Variants in INTS9 observed in about 807,000 individuals in gnomAD.
The protein encoded by INTS9 is protein related to CPSF subunits of 74 kDa.
INTS9 carries 55 observed loss-of-function variants against 79.7 expected under a neutral mutation model. The observed-to-expected ratio is 0.69, with a 90% confidence interval of 0.56 to 0.86. The LOEUF (loss-of-function observed/expected upper bound fraction) is 0.86. INTS9 is among the 40% of genes least tolerant of loss of function. The probability of loss-of-function intolerance (pLI) is 0.00; values close to 1 mark genes in which losing one functional copy is unlikely to be tolerated. For missense variants in INTS9, 721 were observed against 831.5 expected, an observed-to-expected ratio of 0.87 and a Z score of 1.64; for synonymous variants, 319 against 325.2, an observed-to-expected ratio of 0.98 and a Z score of 0.20.
chr8:28,887,857 T>C (rs1191477713), intron 1 of INTS9, among the ~76,000 whole-genome samples: 1 of 152,212 alleles, frequency 6.6e-6, no homozygotes, highest in African/African-American at 2.4e-5. Context: ...AAAATAATTT[T>C]CCACTTTTTT....
At chr8:28,810,837 C>T (rs1413071409) in intron 8 of INTS9, among the ~76,000 whole-genome samples, 2 of 152,132 alleles carry the variant, frequency 1.3e-5, no homozygotes, top group Admixed American at 6.6e-5. Flanking sequence ...GGCTTCTTGC[C>T]AAATATGACT....
At position 28,777,838 on chromosome 8, in the gene INTS9, T is replaced by G; in HGVS notation, c.1386A>C (p.Lys462Asn). ...CAGTGTCCTTCATTACCTGCACTTC[T>G]TTAAGCAGCTTTGACACCTGGATGA... ...LNFIQVSKLLKEVQPLHVVCP... is the reference protein window; with the variant it reads ...LNFIQVSKLLNEVQPLHVVCP... The change falls in exon 13 of 17, where the codon AAA becomes AAC. Residue 462 changes from lysine to asparagine, a missense_variant. By Grantham distance (94) the Lys-to-Asn change is moderately conservative. Around this residue, in one of 3 missense-constraint regions of INTS9, gnomAD observed 281 missense variants for 300.8 expected, o/e 0.93. Coordinates refer to ENST00000521022, the MANE Select transcript of INTS9 (RefSeq NM_018250.4). The G allele has an allele frequency of 6.2e-7, 1 of 1,607,496 alleles. No homozygotes were observed. The highest frequency in any genetic ancestry group is 8.5e-7 in the Non-Finnish European group (1 of 1,177,210).
chr8:28,852,831 G>T (rs1807921930), intron 2 of INTS9, among the ~76,000 whole-genome samples: 1 of 152,204 alleles, frequency 6.6e-6, no homozygotes, highest in African/African-American at 2.4e-5. Flanking sequence ...GTTACTTTGG[G>T]TTAGAGCCAC....
rs1006535727 is a variant in INTS9, at chr8:28,840,897, T to A, written c.262-3121A>T. Among the ~76,000 whole-genome samples the A allele has an allele frequency of 4.7e-5, 7 of 150,006 alleles. 1 individual carries two copies. The highest frequency in any genetic ancestry group is 4.7e-4 in the Admixed American group (7 of 15,038). ...CATGGCACATGTATACATATGTAACTAACCTGCACATTGTGCACATGTACC... is the reference window on the plus strand; with the variant it reads ...CATGGCACATGTATACATATGTAACAAACCTGCACATTGTGCACATGTACC... On this transcript the variant is annotated intron_variant, in intron 4 of 16. Coordinates refer to ENST00000521022, the MANE Select transcript of INTS9 (RefSeq NM_018250.4).
At chr8:28,852,096 G>C (rs192645087) in intron 2 of INTS9, among the ~76,000 whole-genome samples, 2 of 143,724 alleles carry the variant, frequency 1.4e-5, no homozygotes, top group East Asian at 3.9e-4. Context: ...GTACACGCTT[G>C]CAGTCTCAGC....
At chr8:28,796,484 A>T in intron 9 of INTS9, 60 bp downstream of exon 9, 1 of 935,310 alleles carries the variant, frequency 1.1e-6, no homozygotes, top group Non-Finnish European at 1.7e-6. Context: ...TATTATATTT[A>T]TTATTGTAAA....
At chr8:28,831,409 T>C (rs1240416877) in intron 6 of INTS9, among the ~76,000 whole-genome samples, 1 of 152,214 alleles carries the variant, frequency 6.6e-6, no homozygotes, top group Non-Finnish European at 1.5e-5. Flanking sequence ...CCATGGCACA[T>C]GTTTACCTAT....
At chr8:28,850,506 TA>T (rs1330864677) in intron 2 of INTS9, among the ~76,000 whole-genome samples, 1 of 152,054 alleles carries the variant, frequency 6.6e-6, no homozygotes, top group Non-Finnish European at 1.5e-5. Flanking sequence ...TTGGAAAAAC[TA>T]AAAGAATCCT....
Position 28,787,763 on chromosome 8 carries a change from GTCTGCATCTGCA to G in INTS9, c.1098+54_1098+65del. On this transcript the variant is annotated intron_variant, in intron 11 of 16. Coordinates refer to ENST00000521022, the MANE Select transcript of INTS9 (RefSeq NM_018250.4). ...AATCTATTTCATCTAACGACCTGCT[GTCTGCATCTGCA>G]TCAGGTTATCCACATTGCTTCCTTC... The G allele has an allele frequency of 2.0e-5, 23 of 1,147,752 alleles. 1 individual carries two copies. The South Asian group carries it at 2.8e-4, about 14-fold the overall frequency. 71.1% of individuals were successfully genotyped at this position (1,147,752 alleles called of 1,614,324 possible).
chr8:28,881,767 G>A (rs1216255209), intron 1 of INTS9, among the ~76,000 whole-genome samples: 454 of 148,472 alleles, frequency 3.1e-3, no homozygotes, highest in Non-Finnish European at 4.5e-3. Flanking sequence ...CCTCTGCCCG[G>A]CCGCCCCTAC....
At chr8:28,812,283 A>G in intron 8 of INTS9, 44 bp downstream of exon 8, 1 of 1,594,724 alleles carries the variant, frequency 6.3e-7, no homozygotes, top group Non-Finnish European at 8.6e-7. Flanking sequence ...AATTTGACTT[A>G]AGTAACCAAA....
chr8:28,837,875 T>G (rs1268262094), intron 4 of INTS9, 99 bp from the exon 5 acceptor site: 1 of 1,168,720 alleles, frequency 8.6e-7, no homozygotes, highest in Non-Finnish European at 1.2e-6. Flanking sequence ...AAGTAGTTTT[T>G]GTATTGCAGA....
At chr8:28,849,995 G>A (rs1425840102) in intron 3 of INTS9, 3 of 404,450 alleles carry the variant, frequency 7.4e-6, no homozygotes, top group African/African-American at 4.1e-5. Flanking sequence ...TTCTACACAT[G>A]AGCAAAATGG....
At chr8:28,863,872 A>G (rs898408217) in intron 1 of INTS9, among the ~76,000 whole-genome samples, 3 of 152,230 alleles carry the variant, frequency 2.0e-5, no homozygotes, top group Non-Finnish European at 4.4e-5. Flanking sequence ...TGCTGTGGGT[A>G]TGGAGGGACT....
chr8:28,818,456 C>A (rs376512408), intron 6 of INTS9, among the ~76,000 whole-genome samples: 36 of 151,156 alleles, frequency 2.4e-4, no homozygotes, highest in Non-Finnish European at 4.3e-4. Flanking sequence ...GATTACATTT[C>A]TTGATTTGCG....
chr8:28,770,174 C>T (rs1802449320), intron 15 of INTS9, 148 bp from the exon 16 acceptor site: 2 of 1,007,076 alleles, frequency 2.0e-6, no homozygotes, highest in African/African-American at 1.6e-5. Context: ...GTTCAGGTTC[C>T]CTGGCTGCCG....
At chr8:28,839,628 A>G (rs901186493) in intron 4 of INTS9, among the ~76,000 whole-genome samples, 1 of 152,210 alleles carries the variant, frequency 6.6e-6, no homozygotes, top group Non-Finnish European at 1.5e-5. Context: ...GCCCTCAGAA[A>G]TAACGCCGCA....
At chr8:28,862,645 C>T (rs1003388560) in intron 1 of INTS9, among the ~76,000 whole-genome samples, 2 of 152,190 alleles carry the variant, frequency 1.3e-5, no homozygotes, top group Admixed American at 6.5e-5. Context: ...CCAAAAAGGA[C>T]TGTACTTATT....
At chr8:28,834,482 T>A (rs901084822) in intron 6 of INTS9, among the ~76,000 whole-genome samples, 2 of 152,134 alleles carry the variant, frequency 1.3e-5, no homozygotes, top group Non-Finnish European at 2.9e-5. Context: ...ACTGAACATC[T>A]CACTGTTCCC....
Sources: allele counts gnomAD v4.1 joint callset (sites outside exome capture counted in the v4.1 genomes callset), GRCh38; gene constraint gnomAD v4.1.1; regional missense constraint gnomAD v4.1.1; transcripts MANE v1.5; gene names NCBI Gene and HGNC (gene_info 2026-07-23, HGNC 2026-07-21).